The following ANO6 variants were observed in gnomAD, a reference collection of about 807,000 sequenced individuals.
The protein encoded by ANO6 is anoctamin 6, also known as anoctamin-6.
ANO6 carries 106 observed loss-of-function variants against 117.5 expected under a neutral mutation model. The observed-to-expected ratio is 0.90, with a 90% CI of 0.77 to 1.06. The LOEUF (loss-of-function observed/expected upper bound fraction) is 1.06, where lower values mean the gene tolerates loss of function less well. Ranked by LOEUF, ANO6 falls within the 50% of genes least tolerant of loss-of-function variation. The probability of loss-of-function intolerance (pLI) is 0.00; values close to 1 mark genes in which losing one functional copy is unlikely to be tolerated. For missense variants in ANO6, 955 were observed against 1,121.1 expected, an observed-to-expected ratio of 0.85 and a Z score of 2.12; for synonymous variants, 367 against 385.1, an observed-to-expected ratio of 0.95 and a Z score of 0.55.
chr12:45,338,831 A>G lies in ANO6; in HGVS notation c.279+7408A>G, dbSNP rs150717193. On this transcript the variant is annotated intron_variant, in intron 3 of 19. Transcript: ENST00000320560. ...ATCTCTGGGCTGAAGCCTTAAAAAC[A>G]GAGAGGACAATGAAATTCTGAAAAG... is the stretch of plus-strand genomic sequence containing the variant. Among the ~76,000 whole-genome samples, 10 of 152,190 alleles carry G rather than the reference A, an allele frequency of 6.6e-5. No homozygotes were observed. In the East Asian group the frequency reaches 1.9e-3, roughly 29 times the overall value.
At chr12:45,293,683 C>T (rs1939183520) in intron 1 of ANO6, among the ~76,000 whole-genome samples, 3 of 149,664 alleles carry the variant, frequency 2.0e-5, no homozygotes, top group African/African-American at 4.9e-5. Context: ...GCATCAGCCT[C>T]CTGAGTAGCT....
intron 1 of ANO6, among the ~76,000 whole-genome samples, chr12:45,278,113 A>G (rs1938609395): frequency 6.6e-6 from 1 of 151,508 alleles, no homozygotes; most frequent in Non-Finnish European, 1.5e-5. Flanking sequence ...CATGCACCAC[A>G]CCTGGCTAAT....
At chr12:45,278,501 T>C (rs938751506) in intron 1 of ANO6, among the ~76,000 whole-genome samples, 2 of 152,224 alleles carry the variant, frequency 1.3e-5, no homozygotes, top group African/African-American at 2.4e-5. Context: ...GAACATTTCC[T>C]GAATTTTATC....
intron 17 of ANO6, among the ~76,000 whole-genome samples, chr12:45,418,787 C>G (rs1480312902): frequency 6.6e-6 from 1 of 152,134 alleles, no homozygotes; most frequent in Non-Finnish European, 1.5e-5. Context: ...TGGTTCTTAT[C>G]CAATAATGGC....
rs184274302 is a variant in ANO6, at chr12:45,216,462, G to C, written c.70+71G>C. On this transcript the variant is annotated intron_variant, in intron 1 of 19. Transcript: ENST00000320560. The stretch of plus-strand genomic sequence containing the variant: ...GCGGGAAGAAGTTCGGGGACTGCGC[G>C]GGGGCGCTGTGCTCTCCGCGGGGGA... 4,354 of 1,540,454 alleles carry C rather than the reference G, an allele frequency of 2.8e-3. 101 individuals are homozygous for C. In the African/African-American group the frequency reaches 0.053, roughly 19 times the overall value.
intron 1 of ANO6, among the ~76,000 whole-genome samples, chr12:45,292,110 CAACG>C (rs1939121370): frequency 6.6e-6 from 1 of 152,148 alleles, no homozygotes; most frequent in African/African-American, 2.4e-5. Context: ...TATATCTGTA[CAACG>C]AAGTATTATT....
At chr12:45,254,054 C>T (rs543231469) in intron 1 of ANO6, among the ~76,000 whole-genome samples, 1 of 152,304 alleles carries the variant, frequency 6.6e-6, no homozygotes, top group African/African-American at 2.4e-5. Context: ...GTAGTCCCAA[C>T]TACTCAGGAG....
chr12:45,375,611 T>C (rs1409242535), intron 9 of ANO6, among the ~76,000 whole-genome samples: 9 of 152,178 alleles, frequency 5.9e-5, no homozygotes, highest in African/African-American at 2.2e-4. Context: ...GGGAAAGGAT[T>C]CCCTATTTAA....
intron 16 of ANO6, among the ~76,000 whole-genome samples, chr12:45,415,626 G>C (rs764851661): frequency 2.6e-5 from 4 of 152,200 alleles, no homozygotes; most frequent in Non-Finnish European, 5.9e-5. Flanking sequence ...TCCTTGCCTG[G>C]CTGACTTCTC....
intron 4 of ANO6, chr12:45,347,491 A>C (rs1941167399): frequency 5.2e-6 from 1 of 193,218 alleles, no homozygotes; most frequent in Non-Finnish European, 1.1e-5. Context: ...ATATATGTAC[A>C]CATTTTTTAT....
At chr12:45,220,785 A>G (rs1947384437) in intron 1 of ANO6, among the ~76,000 whole-genome samples, 1 of 152,212 alleles carries the variant, frequency 6.6e-6, no homozygotes, top group Non-Finnish European at 1.5e-5. Flanking sequence ...GGTCACTGGA[A>G]AGACCAAGGC....
At chr12:45,421,318 AG>A (rs1943359703) in intron 18 of ANO6, 45 bp downstream of exon 18, 1 of 1,575,402 alleles carries the variant, frequency 6.3e-7, no homozygotes. Flanking sequence ...CATCTTTAAA[AG>A]GGTTTTTCTT....
intron 18 of ANO6, among the ~76,000 whole-genome samples, chr12:45,422,239 A>T (rs1359165560): frequency 6.6e-6 from 1 of 152,230 alleles, no homozygotes; most frequent in Admixed American, 6.5e-5. Context: ...GTAAAAAATT[A>T]TAACAAGCAG....
At chr12:45,387,129 A>T (rs1166242099) in intron 10 of ANO6, among the ~76,000 whole-genome samples, 1 of 152,192 alleles carries the variant, frequency 6.6e-6, no homozygotes, top group Non-Finnish European at 1.5e-5. Flanking sequence ...TGTAAATAGA[A>T]GAGTGGTGAT....
Position 45,431,856 on chromosome 12 carries a change from T to C in ANO6, c.*2545T>C, listed in dbSNP as rs1359723099. The C allele has an allele frequency of 1.0e-6, 1 of 985,336 alleles. No individual in the cohort carries two copies. The highest frequency in any genetic ancestry group is 1.7e-5 in the African/African-American group (1 of 57,242). The allele number at this position is 985,336 out of a possible 1,614,324, so 61.0% of individuals were successfully genotyped here. A position where few individuals can be genotyped will look rare whatever the true frequency, so the allele number is the denominator to read the frequency against. ...ACCACTAGAGAAACTGAGCTTTATA[T>C]CCTTTTTTAATGCCTGTGAATTTTA... On this transcript the variant is annotated 3_prime_UTR_variant, in exon 20 of 20. Transcript: ENST00000320560.
intron 1 of ANO6, among the ~76,000 whole-genome samples, chr12:45,249,185 A>G (rs991773811): frequency 2.6e-5 from 4 of 152,224 alleles, no homozygotes; most frequent in Non-Finnish European, 5.9e-5. Context: ...TAAATACAGC[A>G]ACTTAGTTTG....
chr12:45,319,984 C>T (rs546473049), intron 2 of ANO6, among the ~76,000 whole-genome samples: 27 of 151,858 alleles, frequency 1.8e-4, no homozygotes, highest in Non-Finnish European at 3.2e-4. Context: ...CATTTTTTAT[C>T]GTGTCTATTT....
Position 45,388,148 on chromosome 12 carries a change from G to T in ANO6, c.1166-13G>T. 2 of 1,613,706 alleles carry T rather than the reference G, an allele frequency of 1.2e-6. No individual in the cohort carries two copies. The highest frequency in any genetic ancestry group is 1.7e-6 in the Non-Finnish European group (2 of 1,179,716). ...ATTGAAAATCCACACAAGCTCTTCT[G>T]TCTCTCTGTTAGTTACCTTGTTTTT... On this transcript the variant is annotated splice_polypyrimidine_tract_variant and intron_variant, in intron 10 of 19. Coordinates refer to ENST00000320560, the MANE Select transcript of ANO6 (RefSeq NM_001025356.3).
intron 2 of ANO6, among the ~76,000 whole-genome samples, chr12:45,324,902 C>T (rs1208651086): frequency 6.6e-6 from 1 of 152,182 alleles, no homozygotes. Flanking sequence ...TAACTTGACA[C>T]AGTCACATGT....
Sources: allele counts gnomAD v4.1 joint callset (sites outside exome capture counted in the v4.1 genomes callset), GRCh38; gene constraint gnomAD v4.1.1; transcripts MANE v1.5; gene names NCBI Gene and HGNC (gene_info 2026-07-23, HGNC 2026-07-21).